The following ACKR2 variants were observed in gnomAD, a reference collection of about 807,000 sequenced individuals.
The protein encoded by ACKR2 is C-C chemokine receptor D6.
For synonymous variants in ACKR2, 207 were observed against 192.2 expected, an observed-to-expected ratio of 1.08 and a Z score of -0.64; for missense variants, 457 against 477.3, an observed-to-expected ratio of 0.96 and a Z score of 0.40.
chr3:42,814,732 T>G (rs1295953100), intron 1 of ACKR2, among the ~76,000 whole-genome samples: 5 of 152,212 alleles, frequency 3.3e-5, no homozygotes, highest in Admixed American at 3.3e-4. Flanking sequence ...AAAGACTCAG[T>G]CCCTGCCATG....
At chr3:42,833,672 C>T (rs188213028) in intron 2 of ACKR2, among the ~76,000 whole-genome samples, 26 of 151,748 alleles carry the variant, frequency 1.7e-4, no homozygotes, top group African/African-American at 5.1e-4. Flanking sequence ...ACCACACATA[C>T]TACTTAGTGG....
chr3:42,823,384 G>A lies in ACKR2; in HGVS notation c.-38+3673G>A, dbSNP rs112355588. On this transcript the variant is annotated intron_variant, in intron 2 of 2. Coordinates refer to ENST00000422265, the MANE Select transcript of ACKR2 (RefSeq NM_001296.5). ...AATCAGGGGCTCCAGACAAAAGGAT[G>A]CTCAACTGCTTTCTCTCCTGTCTGG... Among the ~76,000 whole-genome samples, 20 of 152,304 alleles carry A rather than the reference G, an allele frequency of 1.3e-4. 1 individual carries two copies. Among genetic ancestry groups the A allele is most frequent in the African/African-American group, 4.8e-4 (20 of 41,576 alleles).
chr3:42,816,579 GTA>G, intron 1 of ACKR2, among the ~76,000 whole-genome samples: 1 of 149,944 alleles, frequency 6.7e-6, no homozygotes, highest in East Asian at 2.0e-4. Flanking sequence ...TTTTTTTAAG[GTA>G]GAGTCTTGCT....
At chr3:42,811,755 G>A (rs556147092) in intron 1 of ACKR2, among the ~76,000 whole-genome samples, 3 of 152,320 alleles carry the variant, frequency 2.0e-5, no homozygotes, top group South Asian at 4.1e-4. Context: ...TCTGAGGTAG[G>A]AGAAAACCGC....
chr3:42,811,065 G>T (rs1391483971), intron 1 of ACKR2, among the ~76,000 whole-genome samples: 7 of 152,164 alleles, frequency 4.6e-5, no homozygotes, highest in African/African-American at 1.7e-4. Context: ...GGCCAGGCTG[G>T]TCTTGAACTC....
At chr3:42,858,272 AGCTCTG>A (rs1349286233) in intron 2 of ACKR2, among the ~76,000 whole-genome samples, 2 of 152,126 alleles carry the variant, frequency 1.3e-5, no homozygotes, top group Admixed American at 6.5e-5. Flanking sequence ...CATACAGGAG[AGCTCTG>A]GCTAGCATCT....
At chr3:42,858,363 A>G (rs1200228909) in intron 2 of ACKR2, among the ~76,000 whole-genome samples, 1 of 152,200 alleles carries the variant, frequency 6.6e-6, no homozygotes, top group African/African-American at 2.4e-5. Context: ...AGCCTCTGCT[A>G]GTGATACCCA....
At position 42,831,615 on chromosome 3, in the gene ACKR2, A is replaced by G. The variant is rs76473036; in HGVS notation, c.-38+11904A>G. 7.8e-3 allele frequency among the ~76,000 whole-genome samples: 1,190 copies of G among 152,332 alleles called. 19 individuals are homozygous for G. Among genetic ancestry groups the G allele is most frequent in the East Asian group, 0.05 (258 of 5,184 alleles). ...ACCCAGTTGAACATCTGTGCCATCC[A>G]GTAGCTGCAATCGCACCCTCTCAAA... On this transcript the variant is annotated intron_variant, in intron 2 of 2. Transcript: ENST00000422265.
intron 2 of ACKR2, among the ~76,000 whole-genome samples, chr3:42,828,372 A>G (rs1575379047): frequency 6.6e-6 from 1 of 151,982 alleles, no homozygotes; most frequent in East Asian, 1.9e-4. Flanking sequence ...TGGCCTCCCA[A>G]AGTGTTAGGA....
intron 2 of ACKR2, among the ~76,000 whole-genome samples, chr3:42,860,069 C>T (rs547536588): frequency 2.0e-5 from 3 of 146,570 alleles, no homozygotes; most frequent in East Asian, 2.1e-4. Context: ...CAAGACCCAT[C>T]GGTGTGCTGT....
At chr3:42,833,725 C>T (rs951536595) in intron 2 of ACKR2, among the ~76,000 whole-genome samples, 1 of 152,058 alleles carries the variant, frequency 6.6e-6, no homozygotes, top group Admixed American at 6.6e-5. Context: ...AACTGCATTA[C>T]AAAACCAGAC....
intron 2 of ACKR2, among the ~76,000 whole-genome samples, chr3:42,841,186 G>A (rs745669115): frequency 2.6e-5 from 4 of 152,162 alleles, no homozygotes; most frequent in Non-Finnish European, 4.4e-5. Flanking sequence ...ATAGTATAGC[G>A]TGTGCTATTT....
chr3:42,825,849 G>A (rs1159969711), intron 2 of ACKR2, among the ~76,000 whole-genome samples: 1 of 132,406 alleles, frequency 7.6e-6, no homozygotes, highest in Non-Finnish European at 1.6e-5. Context: ...TGTTAGCTCT[G>A]GGTTTTTTTT....
intron 2 of ACKR2, among the ~76,000 whole-genome samples, chr3:42,860,189 A>AAAAAAAAAAAAAAAAAACAC (rs376833790): frequency 9.0e-6 from 1 of 111,520 alleles, no homozygotes; most frequent in Non-Finnish European, 1.9e-5. Flanking sequence ...AAAAAAAAAA[A>AAAAAAAAAAAAAAAAAACAC]GCAGGGGATG....
chr3:42,853,099 A>G (rs1701180586), intron 2 of ACKR2, among the ~76,000 whole-genome samples: 1 of 152,196 alleles, frequency 6.6e-6, no homozygotes, highest in African/African-American at 2.4e-5. Context: ...GCTGGTTTCT[A>G]TTATCTTCAT....
intron 2 of ACKR2, among the ~76,000 whole-genome samples, chr3:42,844,802 AG>A (rs1338626316): frequency 6.6e-6 from 1 of 152,178 alleles, no homozygotes; most frequent in Non-Finnish European, 1.5e-5. Context: ...AGTCACTGTG[AG>A]GGTCACCACT....
chr3:42,828,090 A>ATTT (rs200255129), intron 2 of ACKR2, among the ~76,000 whole-genome samples: 289 of 91,882 alleles, frequency 3.1e-3, no homozygotes, highest in African/African-American at 6.4e-3. Context: ...ATATATATAT[A>ATTT]TATTTTTTTT....
At chr3:42,825,071 A>T (rs1700849043) in intron 2 of ACKR2, among the ~76,000 whole-genome samples, 2 of 152,178 alleles carry the variant, frequency 1.3e-5, no homozygotes, top group African/African-American at 4.8e-5. Context: ...ATTGATCTAT[A>T]TGACTATTCT....
intron 2 of ACKR2, chr3:42,851,305 G>A: frequency 1.0e-6 from 1 of 954,062 alleles, no homozygotes; most frequent in Non-Finnish European, 1.2e-6. Context: ...GTTGAAAGCA[G>A]GATATACATA....
Sources: gnomAD v4.1 joint callset for allele counts (sites outside exome capture counted in the v4.1 genomes callset) on GRCh38, gnomAD v4.1.1 for gene constraint, MANE v1.5 for transcripts, NCBI Gene and HGNC (gene_info 2026-07-23, HGNC 2026-07-21) for gene names.